LPO: variants seen among roughly 807,000 people sequenced by gnomAD.
The protein encoded by LPO is salivary peroxidase.
LPO carries 70 observed loss-of-function variants against 68.4 expected under a neutral mutation model. The observed-to-expected ratio is 1.02, with a 90% CI of 0.84 to 1.25. LPO has a LOEUF of 1.25. Ranked by LOEUF, LPO falls within the 50% of genes most tolerant of loss-of-function variation. The pLI is 0.00. For synonymous variants in LPO, 360 were observed against 357.6 expected (o/e 1.01, Z -0.08); for missense variants, 873 against 908.4 (o/e 0.96, Z 0.50).
Position 58,264,878 on chromosome 17 carries a change from A to G in LPO, c.1423A>G (p.Met475Val), listed in dbSNP as rs1970232593. 12 of 1,614,222 alleles carry G rather than the reference A, an allele frequency of 7.4e-6. No individual in the cohort carries two copies. The highest frequency in any genetic ancestry group is 1.6e-4 in the Middle Eastern group (1 of 6,062). ...TGGCCACTTGGAGGTCCCCTCTAGTATGTTCCGCCTGGATGAGAATTATCA... is the reference window on the plus strand; with the variant it reads ...TGGCCACTTGGAGGTCCCCTCTAGTGTGTTCCGCCTGGATGAGAATTATCA... ...RFGHLEVPSS[M>V]FRLDENYQPW... The change falls in exon 10 of 13, where the codon ATG (methionine) becomes GTG (valine). Residue 475 changes from methionine (M) to valine (V), a missense_variant. Met to Val is a conservative substitution (Grantham distance 21, BLOSUM62 1). Transcript: ENST00000262290.
Position 58,254,927 on chromosome 17 carries a change from A to T in LPO, c.1222A>T (p.Lys408Ter). The T allele has an allele frequency of 6.2e-7, 1 of 1,613,986 alleles. No individual in the cohort carries two copies. The highest frequency in any genetic ancestry group is 2.2e-5 in the East Asian group (1 of 44,862). Residue 408 changes from lysine to a stop codon, truncating the protein, a stop_gained, in exon 9 of 13, where the codon AAG (lysine) becomes TAG (stop). Coordinates refer to ENST00000262290, the MANE Select transcript of LPO (RefSeq NM_006151.3). LOFTEE classifies it high-confidence loss of function. The stretch of plus-strand genomic sequence containing the variant: ...ACTCAACCCTCAGTGGGATGGAGAG[A>T]AGCTCTACCAGGAAGCCCGGAAAAT... ...KRLNPQWDGE[K>*]LYQEARKILG...
intron 5 of LPO, 52 bp from the exon 6 acceptor site, chr17:58,249,514 G>T: frequency 6.3e-7 from 1 of 1,583,644 alleles, no homozygotes; most frequent in Non-Finnish European, 8.5e-7. Flanking sequence ...CCTGGGCTTT[G>T]GAGCCCCGGA....
Position 58,264,860 on chromosome 17 carries a change from T to G in LPO, c.1405T>G (p.Leu469Val). 6.2e-7 allele frequency: 1 copy of G among 1,614,236 alleles called. No homozygotes were observed. Among genetic ancestry groups the G allele is most frequent in the Non-Finnish European group, 8.5e-7 (1 of 1,180,050 alleles). Residue 469 changes from leucine to valine, a missense_variant, in exon 10 of 13, where the codon TTG (leucine) becomes GTG (valine). Coordinates refer to ENST00000262290, the MANE Select transcript of LPO (RefSeq NM_006151.3). ...VFTFAFRFGH[L>V]EVPSSMFRLD... is the part of the protein sequence containing the mutation. ...CACCTTCGCCTTCCGCTTTGGCCACTTGGAGGTCCCCTCTAGTATGTTCCG... is the reference window on the plus strand; with the variant it reads ...CACCTTCGCCTTCCGCTTTGGCCACGTGGAGGTCCCCTCTAGTATGTTCCG...
Position 58,247,488 on chromosome 17 carries a change from G to T in LPO, c.175G>T (p.Ala59Ser). ...FLDSRTRLKT[A>S]MSSETPTSRQ... Reference sequence around the variant, plus strand: ...CTCCCTCCACTGTAGGCTGAAGACCGCCATGAGCTCTGAGACTCCCACCAG... The same window carrying T: ...CTCCCTCCACTGTAGGCTGAAGACCTCCATGAGCTCTGAGACTCCCACCAG... The change falls in exon 4 of 13, where the codon GCC becomes TCC. Residue 59 changes from alanine (A) to serine (S), a missense_variant. Ala to Ser is a moderately conservative substitution (Grantham distance 99). Coordinates refer to ENST00000262290, the MANE Select transcript of LPO (RefSeq NM_006151.3). 1 of 1,591,406 alleles carries T rather than the reference G, an allele frequency of 6.3e-7. No individual in the cohort carries two copies. The highest frequency in any genetic ancestry group is 8.6e-7 in the Non-Finnish European group (1 of 1,166,498).
chr17:58,243,221 C>T (rs1479931867), intron 2 of LPO, 166 bp downstream of exon 2: 1 of 610,022 alleles, frequency 1.6e-6, no homozygotes, highest in Non-Finnish European at 2.9e-6. Flanking sequence ...GGGAAGAATG[C>T]TTCCTTTCTT....
Position 58,249,170 on chromosome 17 carries a change from A to C in LPO, c.436A>C (p.Asn146His), listed in dbSNP as rs773510542. 3.7e-6 allele frequency: 6 copies of C among 1,613,938 alleles called. No individual in the cohort carries two copies. Among genetic ancestry groups the C allele is most frequent in the Non-Finnish European group, 4.2e-6 (5 of 1,179,838 alleles). Residue 146 changes from asparagine to histidine, a missense_variant, in exon 5 of 13, where the codon AAT becomes CAT. Asn to His is a moderately conservative substitution (Grantham distance 68, BLOSUM62 1). Coordinates refer to ENST00000262290, the MANE Select transcript of LPO (RefSeq NM_006151.3). ...SPYRTITGDC[N>H]NRRKPALGAA... ...TTACCGCACCATTACGGGAGACTGC[A>C]ATAACAGGTGGCGGGGCTTGGGGTG...
chr17:58,264,949 C>G lies in LPO; in HGVS notation c.1494C>G (p.Phe498Leu). The G allele has an allele frequency of 6.2e-7, 1 of 1,614,214 alleles. No homozygotes were observed. Among genetic ancestry groups the G allele is most frequent in the Non-Finnish European group, 8.5e-7 (1 of 1,180,030 alleles). ...AACTCCCCCTCCACACCCTCTTCTT[C>G]AACACTTGGAGGATGGTCAAAGATG... ...EPELPLHTLF[F>L]NTWRMVKDGG... The change falls in exon 10 of 13, where the codon TTC becomes TTG. Residue 498 changes from phenylalanine to leucine, a missense_variant. Physicochemically the swap from Phe to Leu is conservative, Grantham distance 22. Coordinates refer to ENST00000262290, the MANE Select transcript of LPO (RefSeq NM_006151.3).
Position 58,250,619 on chromosome 17 carries a change from A to G in LPO, c.778A>G (p.Met260Val). 1 of 1,613,906 alleles carries G rather than the reference A, an allele frequency of 6.2e-7. No individual in the cohort carries two copies. The highest frequency in any genetic ancestry group is 8.5e-7 in the Non-Finnish European group (1 of 1,179,952). Residue 260 changes from methionine (M) to valine (V), a missense_variant and splice_region_variant, in exon 7 of 13, where the codon ATG (methionine) becomes GTG (valine). Coordinates refer to ENST00000262290, the MANE Select transcript of LPO (RefSeq NM_006151.3). ...CCAGGGAGACAACTGCTTCCCCATCATGGTACGGCCCTGCAGCTAGGCATC... is the reference window on the plus strand; with the variant it reads ...CCAGGGAGACAACTGCTTCCCCATCGTGGTACGGCCCTGCAGCTAGGCATC... ...CIQGDNCFPI[M>V]FPPNDPKAGT...
At position 58,267,361 on chromosome 17, in the gene LPO, G is replaced by A. The variant is rs1288204965; in HGVS notation, c.1706G>A (p.Trp569Ter). The change falls in exon 12 of 13, where the codon TGG becomes TAG. Residue 569 changes from tryptophan to a stop codon, truncating the protein, a stop_gained. Transcript: ENST00000262290. LOFTEE classifies it high-confidence loss of function. ...CTCTCCACCCTAGGGTACAATTCCT[G>A]GAGAGCCTTCTGTGACCTCTCACAG... ...RDHGQPGYNS[W>*]RAFCDLSQPQ... is the part of the protein sequence containing the mutation. The A allele has an allele frequency of 3.1e-6, 5 of 1,613,978 alleles. No individual in the cohort carries two copies. The highest frequency in any genetic ancestry group is 4.2e-6 in the Non-Finnish European group (5 of 1,179,970).
chr17:58,255,515 T>A (rs1970054846), intron 9 of LPO, among the ~76,000 whole-genome samples: 1 of 152,062 alleles, frequency 6.6e-6, no homozygotes, highest in African/African-American at 2.4e-5. Flanking sequence ...TTTCAAAGGA[T>A]GAGACAACAG....
At position 58,264,366 on chromosome 17, in the gene LPO, TCTTGC is replaced by T. The variant is rs149715106; in HGVS notation, c.1267-354_1267-350del. Among the ~76,000 whole-genome samples, 1,003 of 152,344 alleles carry T rather than the reference TCTTGC, an allele frequency of 6.6e-3. 13 individuals are homozygous for T. Among genetic ancestry groups the T allele is most frequent in the African/African-American group, 0.023 (957 of 41,570 alleles). On this transcript the variant is annotated intron_variant, in intron 9 of 12. Transcript: ENST00000262290. ...AATCATTCCTGTGGTTTATCATTCCTCTTGCCCTGACATTGTTACATTAAAGTGAC... is the reference window on the plus strand; with the variant it reads ...AATCATTCCTGTGGTTTATCATTCCTCCTGACATTGTTACATTAAAGTGAC...
Position 58,267,466 on chromosome 17 carries a change from CT to C in LPO, c.1812del (p.Asp605ThrfsTer7). ...AAGTTACTGGGTCTCTACGGGACCC[CT>C]GACAACATCGACATCTGGATAGGGG... ...AKKLLGLYGT[P>X]DNIDIWIGAI... On this transcript the variant is annotated frameshift_variant, in exon 12 of 13. Coordinates refer to ENST00000262290, the MANE Select transcript of LPO (RefSeq NM_006151.3). LOFTEE classifies it high-confidence loss of function. 6.2e-7 allele frequency: 1 copy of C among 1,614,212 alleles called. No individual in the cohort carries two copies. Among genetic ancestry groups the C allele is most frequent in the Non-Finnish European group, 8.5e-7 (1 of 1,180,012 alleles).
At chr17:58,247,732 G>T in intron 4 of LPO, 94 bp downstream of exon 4, 1 of 1,379,756 alleles carries the variant, frequency 7.2e-7, no homozygotes, top group Non-Finnish European at 1.0e-6. Flanking sequence ...CCTGTTGAGA[G>T]CTATCTACTC....
intron 1 of LPO, among the ~76,000 whole-genome samples, chr17:58,242,058 G>A (rs890245520): frequency 6.6e-6 from 1 of 152,180 alleles, no homozygotes; most frequent in African/African-American, 2.4e-5. Flanking sequence ...AGGCGCCCTT[G>A]TGAAAGCTGA....
chr17:58,262,627 AG>A (rs1970195723), intron 9 of LPO, among the ~76,000 whole-genome samples: 1 of 152,212 alleles, frequency 6.6e-6, no homozygotes, highest in Non-Finnish European at 1.5e-5. Context: ...TCCTGACCTC[AG>A]ATGATCCACC....
In LPO at chr17:58,267,522, C is replaced by A. The variant is rs779010556; in HGVS notation, c.1867C>A (p.Arg623=). 6.2e-7 allele frequency: 1 copy of A among 1,614,126 alleles called. No individual in the cohort carries two copies. The highest frequency in any genetic ancestry group is 1.1e-5 in the South Asian group (1 of 91,082). Residue 623 remains arginine (R), a synonymous_variant, in exon 12 of 13, where the codon CGG becomes AGG. Transcript: ENST00000262290. The stretch of plus-strand genomic sequence containing the variant: ...TGCTGAGCCGCTGGTGGAAAGGGGT[C>A]GGGTGGGGCCTCTCCTGGCCTGCCT... ...AIAEPLVERG[R]VGPLLACLLG...
chr17:58,267,298 C>T, intron 11 of LPO, 51 bp from the exon 12 acceptor site: 1 of 1,454,590 alleles, frequency 6.9e-7, no homozygotes, highest in Non-Finnish European at 9.6e-7. Context: ...CCAAAGGAGG[C>T]TGTGAACAGG....
At chr17:58,239,018 C>G (rs1969708722) in intron 1 of LPO, among the ~76,000 whole-genome samples, 1 of 152,094 alleles carries the variant, frequency 6.6e-6, no homozygotes, top group Admixed American at 6.5e-5. Context: ...CCATAGACCT[C>G]TCTTATCCAC....
chr17:58,245,020 C>T (rs1023888316), intron 3 of LPO, among the ~76,000 whole-genome samples: 2 of 152,206 alleles, frequency 1.3e-5, no homozygotes, highest in African/African-American at 2.4e-5. Flanking sequence ...GGCTTCCACT[C>T]ACTCCTCCTC....
Sources: allele counts gnomAD v4.1 joint callset (sites outside exome capture counted in the v4.1 genomes callset), GRCh38; gene constraint gnomAD v4.1.1; transcripts MANE v1.5; gene names NCBI Gene and HGNC (gene_info 2026-07-23, HGNC 2026-07-21).